FCHSD1: variants seen among roughly 807,000 people sequenced by gnomAD.
FCHSD1 encodes the protein F-BAR and double SH3 domains protein 1.
FCHSD1 carries 109 observed loss-of-function variants against 101.3 expected under a neutral mutation model. The observed-to-expected ratio is 1.08, with a 90% CI of 0.92 to 1.26. The LOEUF is 1.26. Among genes scored for constraint, FCHSD1 ranks in the 50% most tolerant of loss-of-function variants. The probability of loss-of-function intolerance (pLI) is 0.00; values close to 1 mark genes in which losing one functional copy is unlikely to be tolerated. For synonymous variants in FCHSD1, 291 were observed against 356.8 expected (o/e 0.82, Z 2.08); for missense variants, 820 against 895.8 (o/e 0.92, Z 1.08).
At position 141,640,010 on chromosome 5, in the gene FCHSD1, A is replaced by C; in HGVS notation, c.*1488T>G. The C allele has an allele frequency of 6.2e-7, 1 of 1,613,344 alleles. No homozygotes were observed. Among genetic ancestry groups the C allele is most frequent in the Non-Finnish European group, 8.5e-7 (1 of 1,179,636 alleles). On this transcript the variant is annotated 3_prime_UTR_variant, in exon 20 of 20. Transcript: ENST00000435817. ...ACAGGAGCTGGGGCTCTGGTGGGGGACAGGACCCAGGGGGTGGTCAGGGGT... is the reference window on the plus strand; with the variant it reads ...ACAGGAGCTGGGGCTCTGGTGGGGGCCAGGACCCAGGGGGTGGTCAGGGGT...
In FCHSD1 at chr5:141,641,911, A is replaced by G. The variant is rs1319908459; in HGVS notation, c.1952-154T>C. 7.8e-6 allele frequency: 6 copies of G among 773,914 alleles called. No individual in the cohort carries two copies. In the Admixed American group the frequency reaches 1.4e-4, roughly 18 times the overall value. 47.9% of individuals were successfully genotyped at this position (773,914 alleles called of 1,614,324 possible). A position where few individuals can be genotyped will look rare whatever the true frequency, so the allele number is the denominator to read the frequency against. ...CATCACTCTATCCACTGTCCTCAACATTTATTGGGCAACTGCTGTATAATC... is the reference window on the plus strand; with the variant it reads ...CATCACTCTATCCACTGTCCTCAACGTTTATTGGGCAACTGCTGTATAATC... On this transcript the variant is annotated intron_variant, in intron 18 of 19. Transcript: ENST00000435817.
rs112961488 is a variant in FCHSD1 at position 141,644,130 on chromosome 5, G to T, written c.1863+88C>A. ...TAGGAGGTAAAACTGGGGAGCAGAG[G>T]AGGCATTAAGATGAATATGAGGCTT... On this transcript the variant is annotated intron_variant, in intron 17 of 19. Transcript: ENST00000435817. 1.0e-3 allele frequency: 1,280 copies of T among 1,237,672 alleles called. 13 individuals are homozygous for T. In the African/African-American group the frequency reaches 0.016, roughly 16 times the overall value. The allele number at this position is 1,237,672 out of a possible 1,614,324, so 76.7% of individuals were successfully genotyped here. A position where few individuals can be genotyped will look rare whatever the true frequency, so the allele number is the denominator to read the frequency against.
chr5:141,640,416 C>G lies in FCHSD1; in HGVS notation c.*1082G>C, dbSNP rs761858851. 2 of 1,614,184 alleles carry G rather than the reference C, an allele frequency of 1.2e-6. No individual in the cohort carries two copies. The highest frequency in any genetic ancestry group is 8.5e-7 in the Non-Finnish European group (1 of 1,180,010). ...GACCCCTCCCCTTTCTCTCAGGTGT[C>G]TCTACCACAGGGAGCAGGGAGTATG... On this transcript the variant is annotated 3_prime_UTR_variant, in exon 20 of 20. Transcript: ENST00000435817.
chr5:141,641,734 A>G lies in FCHSD1; in HGVS notation c.1975T>C (p.Phe659Leu), dbSNP rs2099906923. ...AGTCGAGGTGCCATCATGTCCAGGA[A>G]CCCAGGGAAGTCCAGGGCTTTGTCT... ...PGDKALDFPGFLDMMAPRLRP... is the reference protein window; with the variant it reads ...PGDKALDFPGLLDMMAPRLRP... The change falls in exon 19 of 20, where the codon TTC becomes CTC. Residue 659 changes from phenylalanine (F) to leucine (L), a missense_variant. Physicochemically the swap from Phe to Leu is conservative, Grantham distance 22. Coordinates refer to ENST00000435817, the MANE Select transcript of FCHSD1 (RefSeq NM_033449.3). The G allele has an allele frequency of 6.2e-7, 1 of 1,613,840 alleles. No homozygotes were observed. Among genetic ancestry groups the G allele is most frequent in the Non-Finnish European group, 8.5e-7 (1 of 1,179,902 alleles).
chr5:141,642,029 A>C (rs2099906969), intron 18 of FCHSD1: 3 of 565,186 alleles, frequency 5.3e-6, no homozygotes, highest in African/African-American at 1.9e-5. Flanking sequence ...AACCTCAACA[A>C]ACACAATAAA....
At chr5:141,650,824 G>A (rs1293712724) in intron 2 of FCHSD1, among the ~76,000 whole-genome samples, 196 bp downstream of exon 2, 1 of 151,652 alleles carries the variant, frequency 6.6e-6, no homozygotes, top group Non-Finnish European at 1.5e-5. Context: ...TATGTGGGTG[G>A]GAGGGGGTTG....
chr5:141,645,951 A>G lies in FCHSD1; in HGVS notation c.1150-19T>C. 6.4e-7 allele frequency: 1 copy of G among 1,554,310 alleles called. No homozygotes were observed. Among genetic ancestry groups the G allele is most frequent in the Non-Finnish European group, 8.7e-7 (1 of 1,147,964 alleles). On this transcript the variant is annotated intron_variant, in intron 12 of 19. Transcript: ENST00000435817. ...GGCTCACCTGCCATGGGGAGGAAGTAAGTTAGTGGAACCTGGCTGACGGCA... is the reference window on the plus strand; with the variant it reads ...GGCTCACCTGCCATGGGGAGGAAGTGAGTTAGTGGAACCTGGCTGACGGCA...
At chr5:141,644,519 T>C (rs1482138734) in intron 16 of FCHSD1, 54 bp downstream of exon 16, 1 of 1,609,106 alleles carries the variant, frequency 6.2e-7, no homozygotes, top group African/African-American at 1.3e-5. Flanking sequence ...CTACAACCCC[T>C]AACAATTTTT....
chr5:141,642,486 C>CA, intron 18 of FCHSD1: 1 of 630,322 alleles, frequency 1.6e-6, no homozygotes, highest in East Asian at 3.0e-5. Flanking sequence ...GACAAACAAG[C>CA]ACATGTACCT....
Position 141,639,559 on chromosome 5 carries a change from G to C in FCHSD1, c.*1939C>G. The C allele has an allele frequency of 6.2e-7, 1 of 1,614,038 alleles. No individual in the cohort carries two copies. Among genetic ancestry groups the C allele is most frequent in the Non-Finnish European group, 8.5e-7 (1 of 1,180,012 alleles). On this transcript the variant is annotated 3_prime_UTR_variant, in exon 20 of 20. Coordinates refer to ENST00000435817, the MANE Select transcript of FCHSD1 (RefSeq NM_033449.3). The surrounding 1 kb of genome is among the most constrained non-coding windows in gnomAD (Gnocchi z 4.4). ...GCCCCTTGCCTCCATTGCAGCCGCA[G>C]CAAGAGGCCTCCACTTGTCCGTCAG... is the stretch of plus-strand genomic sequence containing the variant.
chr5:141,640,124 A>C lies in FCHSD1; in HGVS notation c.*1374T>G, dbSNP rs554655827. ...AGCCCCAGGTCCTAGCCAGCCCCCC[A>C]GTACAGAATGGAGGACTCAGGGACA... On this transcript the variant is annotated 3_prime_UTR_variant, in exon 20 of 20. Coordinates refer to ENST00000435817, the MANE Select transcript of FCHSD1 (RefSeq NM_033449.3). 15 of 1,613,986 alleles carry C rather than the reference A, an allele frequency of 9.3e-6. No individual in the cohort carries two copies. In the African/African-American group the frequency reaches 2.0e-4, roughly 22 times the overall value.
Position 141,639,369 on chromosome 5 carries a change from C to A in FCHSD1, c.*2129G>T. 1 of 1,030,654 alleles carries A rather than the reference C, an allele frequency of 9.7e-7. No homozygotes were observed. Among genetic ancestry groups the A allele is most frequent in the African/African-American group, 1.6e-5 (1 of 62,014 alleles). 63.8% of individuals were successfully genotyped at this position (1,030,654 alleles called of 1,614,324 possible). Reference sequence around the variant, plus strand: ...ATGGGGCTTGGGGAAATTGGGGCTTCTGGGGTTTTAAGGAGCATGCTGAAA... The same window carrying A: ...ATGGGGCTTGGGGAAATTGGGGCTTATGGGGTTTTAAGGAGCATGCTGAAA... On this transcript the variant is annotated 3_prime_UTR_variant, in exon 20 of 20. Transcript: ENST00000435817. This position sits in a 1 kb window ranked among gnomAD's most constrained non-coding sequence, Gnocchi z 4.4.
At chr5:141,645,659 G>A (rs2099907560) in intron 13 of FCHSD1, 112 bp downstream of exon 13, 12 of 1,287,858 alleles carry the variant, frequency 9.3e-6, no homozygotes, top group Admixed American at 2.9e-5. Flanking sequence ...CTTAAGCCTC[G>A]TAATAACCCT....
Position 141,649,616 on chromosome 5 carries a change from A to G in FCHSD1, c.234-80T>C, listed in dbSNP as rs531490481. ...CACCCCCACCCCCTGCCCCCTGACC[A>G]ACACCATGGGAGACAGAGTGCTTTC... On this transcript the variant is annotated intron_variant, in intron 4 of 19. Coordinates refer to ENST00000435817, the MANE Select transcript of FCHSD1 (RefSeq NM_033449.3). This position sits in a 1 kb window ranked among gnomAD's most constrained non-coding sequence, Gnocchi z 4.1. 7.9e-5 allele frequency: 120 copies of G among 1,515,114 alleles called. No homozygotes were observed. In the East Asian group the frequency reaches 2.7e-3, roughly 35 times the overall value. The allele number at this position is 1,515,114 out of a possible 1,614,324, so 93.9% of individuals were successfully genotyped here.
Position 141,645,814 on chromosome 5 carries a change from C to T in FCHSD1, c.1268G>A (p.Arg423Gln), listed in dbSNP as rs781678272. Reference sequence around the variant, plus strand: ...CTGGGACAGCCGAGCCTCACTGAGCCGCCGCTCCTGCTCCACCTCATCCTG... The same window carrying T: ...CTGGGACAGCCGAGCCTCACTGAGCTGCCGCTCCTGCTCCACCTCATCCTG... Reference protein sequence around the residue: ...QAQDEVEQERRLSEARLSQRD... With the variant: ...QAQDEVEQERQLSEARLSQRD... Residue 423 changes from arginine (R) to glutamine (Q), a missense_variant, in exon 13 of 20, where the codon CGG (arginine) becomes CAG (glutamine). Transcript: ENST00000435817. 28 of 1,610,234 alleles carry T rather than the reference C, an allele frequency of 1.7e-5. No individual in the cohort carries two copies. Among genetic ancestry groups the T allele is most frequent in the East Asian group, 6.7e-5 (3 of 44,742 alleles).
chr5:141,643,496 A>G (rs1188536614), intron 17 of FCHSD1, among the ~76,000 whole-genome samples: 1 of 152,182 alleles, frequency 6.6e-6, no homozygotes, highest in Non-Finnish European at 1.5e-5. Context: ...TGCTGTATGT[A>G]TATACATTAT....
Position 141,639,958 on chromosome 5 carries a change from A to G in FCHSD1, c.*1540T>C. The G allele has an allele frequency of 6.2e-7, 1 of 1,613,982 alleles. No homozygotes were observed. Among genetic ancestry groups the G allele is most frequent in the Non-Finnish European group, 8.5e-7 (1 of 1,179,982 alleles). ...CACATTGAGAAGCGCTATGGACTGC[A>G]CGAACACCGTGATGGCTCCCCCACA... On this transcript the variant is annotated 3_prime_UTR_variant, in exon 20 of 20. Coordinates refer to ENST00000435817, the MANE Select transcript of FCHSD1 (RefSeq NM_033449.3). The surrounding 1 kb of genome is among the most constrained non-coding windows in gnomAD (Gnocchi z 4.4).
chr5:141,643,768 A>G (rs1485548496), intron 17 of FCHSD1, among the ~76,000 whole-genome samples: 1 of 151,988 alleles, frequency 6.6e-6, no homozygotes, highest in Non-Finnish European at 1.5e-5. Flanking sequence ...GAATCGTTTG[A>G]ACCCGGGAGG....
chr5:141,646,349 T>C, intron 11 of FCHSD1, 158 bp from the exon 12 acceptor site: 2 of 935,108 alleles, frequency 2.1e-6, no homozygotes. Context: ...GATGAGGAAA[T>C]TGAAGTCCAG....
Sources: gnomAD v4.1 joint callset for allele counts (sites outside exome capture counted in the v4.1 genomes callset) on GRCh38, gnomAD v4.1.1 for gene constraint, Gnocchi (gnomAD v3.1) non-coding constraint, MANE v1.5 for transcripts, NCBI Gene and HGNC (gene_info 2026-07-23, HGNC 2026-07-21) for gene names.